The following ATP6V0D2 variants were observed in gnomAD, a reference collection of about 807,000 sequenced individuals.
The protein encoded by ATP6V0D2 is ATPase H+ transporting V0 subunit d2, also known as V-type proton ATPase subunit d 2.
In ATP6V0D2, 40 loss-of-function variants were observed where a neutral mutation model predicts 40.0. The observed-to-expected ratio is 1.00, with a 90% confidence interval of 0.78 to 1.30. The LOEUF (loss-of-function observed/expected upper bound fraction) is 1.30. ATP6V0D2 is among the 50% of genes most tolerant of loss of function. The probability of loss-of-function intolerance (pLI) is 0.00; values close to 1 mark genes in which losing one functional copy is unlikely to be tolerated. For synonymous variants in ATP6V0D2, 179 were observed against 156.3 expected (o/e 1.15, Z -1.08); for missense variants, 470 against 423.1 (o/e 1.11, Z -0.97).
intron 5 of ATP6V0D2, among the ~76,000 whole-genome samples, chr8:86,145,261 GAAAGAA>G (rs1819042268): frequency 5.5e-4 from 22 of 40,324 alleles, no homozygotes; most frequent in Admixed American, 1.8e-3. Context: ...GAGAGAGAAA[GAAAGAA>G]AGAAAGAAAG....
chr8:86,119,162 T>C (rs1818634789), intron 2 of ATP6V0D2, among the ~76,000 whole-genome samples: 1 of 151,958 alleles, frequency 6.6e-6, no homozygotes, highest in South Asian at 2.1e-4. Context: ...TAAAAACAGC[T>C]GTGAGTCCTT....
At chr8:86,122,348 T>C (rs937646143) in intron 2 of ATP6V0D2, among the ~76,000 whole-genome samples, 1 of 152,186 alleles carries the variant, frequency 6.6e-6, no homozygotes, top group Non-Finnish European at 1.5e-5. Flanking sequence ...GACCACACAC[T>C]GAAGAAATCT....
At chr8:86,131,154 A>T (rs1297049162) in intron 2 of ATP6V0D2, among the ~76,000 whole-genome samples, 3 of 151,980 alleles carry the variant, frequency 2.0e-5, no homozygotes, top group Non-Finnish European at 4.4e-5. Context: ...TATATATTAT[A>T]TGCATTTTTC....
At chr8:86,101,363 G>C (rs896251234) in intron 1 of ATP6V0D2, among the ~76,000 whole-genome samples, 1 of 151,064 alleles carries the variant, frequency 6.6e-6, no homozygotes, top group Non-Finnish European at 1.5e-5. Context: ...GGGAGGCTGT[G>C]GCAGGAGGAT....
At chr8:86,129,075 A>G (rs1818781539) in intron 2 of ATP6V0D2, among the ~76,000 whole-genome samples, 1 of 152,228 alleles carries the variant, frequency 6.6e-6, no homozygotes, top group Non-Finnish European at 1.5e-5. Context: ...CTAACAGTGT[A>G]TGTCCTCCTT....
At chr8:86,105,606 C>T (rs1818459278) in intron 1 of ATP6V0D2, among the ~76,000 whole-genome samples, 1 of 130,708 alleles carries the variant, frequency 7.7e-6, no homozygotes, top group African/African-American at 2.8e-5. Context: ...AGCCTGTAAA[C>T]TTCTTTTTTC....
At chr8:86,127,775 T>C (rs1818766713) in intron 2 of ATP6V0D2, among the ~76,000 whole-genome samples, 1 of 152,226 alleles carries the variant, frequency 6.6e-6, no homozygotes, top group African/African-American at 2.4e-5. Flanking sequence ...GTATAATTGT[T>C]ACCTAGCCAA....
At chr8:86,127,036 C>T (rs1818754390) in intron 2 of ATP6V0D2, among the ~76,000 whole-genome samples, 1 of 152,128 alleles carries the variant, frequency 6.6e-6, no homozygotes, top group Non-Finnish European at 1.5e-5. Context: ...CAAGGAAAAA[C>T]AAGTGTGACA....
In ATP6V0D2 at chr8:86,102,763, T is replaced by C. The variant is rs545821409; in HGVS notation, c.130+3655T>C. On this transcript the variant is annotated intron_variant, in intron 1 of 7. Transcript: ENST00000285393. ...GACTAATTGTGACTTGATTCAGATC[T>C]CTGGATCCACTGTGACTCAGTCTTT... Among the ~76,000 whole-genome samples the C allele has an allele frequency of 2.6e-5, 4 of 152,332 alleles. No homozygotes were observed. The South Asian group carries it at 8.3e-4, about 32-fold the overall frequency.
chr8:86,151,574 T>C, intron 7 of ATP6V0D2, 34 bp downstream of exon 7: 1 of 1,504,566 alleles, frequency 6.6e-7, no homozygotes, highest in South Asian at 1.2e-5. Flanking sequence ...TTAGCTTATT[T>C]TTCTCTTACT....
chr8:86,106,094 T>C (rs1268352745), intron 1 of ATP6V0D2, among the ~76,000 whole-genome samples: 1 of 152,160 alleles, frequency 6.6e-6, no homozygotes, highest in East Asian at 1.9e-4. Flanking sequence ...AGCAAGTGCT[T>C]AACCTTTAAC....
chr8:86,130,628 A>G (rs1164191911), intron 2 of ATP6V0D2, among the ~76,000 whole-genome samples: 1 of 152,162 alleles, frequency 6.6e-6, no homozygotes, highest in Non-Finnish European at 1.5e-5. Flanking sequence ...ACAGAATTCA[A>G]GTTCCAGGAA....
intron 4 of ATP6V0D2, among the ~76,000 whole-genome samples, chr8:86,142,342 T>C (rs1586101754): frequency 6.6e-6 from 1 of 152,204 alleles, no homozygotes; most frequent in Admixed American, 6.5e-5. Flanking sequence ...GTTTATGCTA[T>C]CTCCATTCCT....
intron 2 of ATP6V0D2, among the ~76,000 whole-genome samples, chr8:86,120,495 G>A (rs1218922173): frequency 6.6e-6 from 1 of 152,102 alleles, no homozygotes; most frequent in African/African-American, 2.4e-5. Flanking sequence ...GAGGCAGGAG[G>A]ATCATTTAAG....
intron 2 of ATP6V0D2, among the ~76,000 whole-genome samples, chr8:86,137,245 C>A (rs1200989199): frequency 2.6e-5 from 4 of 152,096 alleles, no homozygotes. Flanking sequence ...AGTTGCTGTA[C>A]CCTACAGATG....
At chr8:86,147,008 G>GAA (rs34426656) in intron 5 of ATP6V0D2, among the ~76,000 whole-genome samples, 41 of 151,188 alleles carry the variant, frequency 2.7e-4, no homozygotes, top group Non-Finnish European at 4.6e-4. Flanking sequence ...AACTTCATAT[G>GAA]AAAAAAAAAG....
At chr8:86,115,357 C>CCTTTTTT (rs1586088786) in intron 2 of ATP6V0D2, among the ~76,000 whole-genome samples, 1 of 79,502 alleles carries the variant, frequency 1.3e-5, no homozygotes, top group African/African-American at 6.0e-5. Context: ...CCGTATCATC[C>CCTTTTTT]ATTTTTTTTT....
intron 3 of ATP6V0D2, among the ~76,000 whole-genome samples, chr8:86,141,018 C>A (rs1586101193): frequency 1.3e-5 from 2 of 152,098 alleles, no homozygotes; most frequent in Admixed American, 6.6e-5. Flanking sequence ...AACCTAGATC[C>A]CTCAGATGCA....
At chr8:86,129,714 A>T (rs1481514051) in intron 2 of ATP6V0D2, among the ~76,000 whole-genome samples, 22 of 151,788 alleles carry the variant, frequency 1.4e-4, no homozygotes, top group African/African-American at 4.6e-4. Flanking sequence ...GAGGCAGGAG[A>T]ATTGCTTGAA....
Sources: allele counts gnomAD v4.1 joint callset (sites outside exome capture counted in the v4.1 genomes callset), GRCh38; gene constraint gnomAD v4.1.1; transcripts MANE v1.5; gene names NCBI Gene and HGNC (gene_info 2026-07-23, HGNC 2026-07-21).